Variants in UFL1 observed in about 807,000 individuals in gnomAD.
UFL1 encodes the protein E3 UFM1-protein ligase 1.
A neutral mutation model predicts 99.3 loss-of-function variants in UFL1; 78 were observed. That is an observed-to-expected ratio of 0.79 (90% CI 0.65 to 0.95). UFL1 has a LOEUF of 0.95. Among genes scored for constraint, UFL1 ranks in the 40% least tolerant of loss-of-function variants. The pLI, the probability that UFL1 is intolerant of heterozygous loss-of-function variation, is 0.00. For missense variants in UFL1, 936 were observed against 937.0 expected (o/e 1.00, Z 0.01); for synonymous variants, 335 against 322.2 (o/e 1.04, Z -0.42).
intron 12 of UFL1, among the ~76,000 whole-genome samples, chr6:96,544,113 G>C (rs1039903729): frequency 6.6e-6 from 1 of 150,790 alleles, no homozygotes; most frequent in African/African-American, 2.4e-5. Context: ...ACAAGTATTA[G>C]GATATTTTTG....
intron 6 of UFL1, among the ~76,000 whole-genome samples, chr6:96,532,433 C>T (rs1292877882): frequency 1.3e-5 from 2 of 152,164 alleles, no homozygotes; most frequent in African/African-American, 2.4e-5. Flanking sequence ...CCCACCAAAA[C>T]TTATGTTGCA....
chr6:96,540,833 A>C (rs1385554049), intron 11 of UFL1, among the ~76,000 whole-genome samples, 178 bp downstream of exon 11: 2 of 151,490 alleles, frequency 1.3e-5, no homozygotes, highest in Non-Finnish European at 3.0e-5. Context: ...AAATGGAAAT[A>C]TTGGTGATTA....
Position 96,538,713 on chromosome 6 carries a change from C to T in UFL1, c.1061C>T (p.Ser354Leu). The change falls in exon 10 of 19, where the codon TCA (serine) becomes TTA (leucine). Residue 354 changes from serine to leucine, a missense_variant. Physicochemically the swap from Ser to Leu is moderately radical, Grantham distance 145. Transcript: ENST00000369278. ...QVMRAFSKQA[S>L]TVVFSDTVVV... ...ATGAGGGCATTCAGCAAACAGGCCT[C>T]AACTGTAGTCTTTAGCGACACTGTT... is the stretch of plus-strand genomic sequence containing the variant. 1 of 1,611,650 alleles carries T rather than the reference C, an allele frequency of 6.2e-7. No homozygotes were observed. The highest frequency in any genetic ancestry group is 8.5e-7 in the Non-Finnish European group (1 of 1,178,454).
intron 12 of UFL1, among the ~76,000 whole-genome samples, chr6:96,547,133 A>G (rs1022306064): frequency 2.9e-4 from 44 of 151,428 alleles, no homozygotes; most frequent in African/African-American, 1.1e-3. Flanking sequence ...AGAACTCAAC[A>G]AGAAGAAGCC....
intron 5 of UFL1, among the ~76,000 whole-genome samples, chr6:96,527,134 T>G (rs541380602): frequency 3.4e-4 from 52 of 152,104 alleles, no homozygotes; most frequent in African/African-American, 8.9e-4. Flanking sequence ...TTTTTTCTGT[T>G]TTTTTTTGTT....
At chr6:96,545,219 T>C (rs1398683676) in intron 12 of UFL1, among the ~76,000 whole-genome samples, 4 of 151,058 alleles carry the variant, frequency 2.6e-5, no homozygotes, top group African/African-American at 4.8e-5. Context: ...TTTATTTTTA[T>C]TTGTAAAGTT....
chr6:96,535,987 T>C (rs1471724438), intron 7 of UFL1, among the ~76,000 whole-genome samples: 1 of 152,064 alleles, frequency 6.6e-6, no homozygotes, highest in African/African-American at 2.4e-5. Flanking sequence ...GTGTTAACAT[T>C]AACTAGCTTG....
At chr6:96,545,431 T>C (rs1769985911) in intron 12 of UFL1, among the ~76,000 whole-genome samples, 1 of 150,982 alleles carries the variant, frequency 6.6e-6, no homozygotes, top group Non-Finnish European at 1.5e-5. Context: ...AGACTTATTT[T>C]TGTGAGAGCA....
chr6:96,548,866 G>A (rs1327990969), intron 13 of UFL1, among the ~76,000 whole-genome samples: 1 of 151,570 alleles, frequency 6.6e-6, no homozygotes, highest in Non-Finnish European at 1.5e-5. Flanking sequence ...CAATCCAGGA[G>A]AGCAGTGTAT....
intron 5 of UFL1, among the ~76,000 whole-genome samples, chr6:96,527,510 C>G (rs1769720920): frequency 6.6e-6 from 1 of 152,050 alleles, no homozygotes; most frequent in South Asian, 2.1e-4. Flanking sequence ...ATAATACAAG[C>G]AGATTTACTT....
At chr6:96,523,060 A>G in intron 1 of UFL1, 86 bp from the exon 2 acceptor site, 1 of 1,362,052 alleles carries the variant, frequency 7.3e-7, no homozygotes, top group African/African-American at 1.5e-5. Flanking sequence ...AACTTTTTAA[A>G]AGCCTGTTTT....
At chr6:96,534,425 C>T (rs1769825780) in intron 7 of UFL1, 104 bp downstream of exon 7, 1 of 882,434 alleles carries the variant, frequency 1.1e-6, no homozygotes, top group African/African-American at 1.8e-5. Context: ...GTTAATGTAA[C>T]TAAAATATTT....
chr6:96,551,313 A>C, intron 15 of UFL1, 120 bp from the exon 16 acceptor site: 1 of 604,968 alleles, frequency 1.7e-6, no homozygotes, highest in Non-Finnish European at 2.9e-6. Context: ...TTTGAGATCT[A>C]AAATTCAAGA....
At chr6:96,545,293 CT>C (rs1769984431) in intron 12 of UFL1, among the ~76,000 whole-genome samples, 1 of 150,986 alleles carries the variant, frequency 6.6e-6, no homozygotes, top group African/African-American at 2.4e-5. Context: ...TTTACAATTT[CT>C]AATGGAAATA....
rs1770124786 is a variant in UFL1, at chr6:96,554,321, G to T, written c.*818G>T. On this transcript the variant is annotated 3_prime_UTR_variant, in exon 19 of 19. Transcript: ENST00000369278. ...ATTTTATTTTTTTAGTTCAACAGCT[G>T]CTCTGTCACATAATACTTTGTAAAT... 6.6e-6 allele frequency: 1 copy of T among 152,096 alleles called. No homozygotes were observed. The highest frequency in any genetic ancestry group is 2.4e-5 in the African/African-American group (1 of 41,422). 9.4% of individuals were successfully genotyped at this position (152,096 alleles called of 1,614,324 possible). A position where few individuals can be genotyped will look rare whatever the true frequency, so the allele number is the denominator to read the frequency against.
At position 96,540,612 on chromosome 6, in the gene UFL1, A is replaced by G. The variant is rs1488691883; in HGVS notation, c.1236A>G (p.Thr412=). 1 of 1,606,010 alleles carries G rather than the reference A, an allele frequency of 6.2e-7. No homozygotes were observed. Among genetic ancestry groups the G allele is most frequent in the African/African-American group, 1.3e-5 (1 of 74,402 alleles). The change falls in exon 11 of 19, where the codon ACA becomes ACG. Residue 412 remains threonine, a synonymous_variant. Transcript: ENST00000369278. ...KQISTLESVS[T]SKKDKKDERR... is the part of the protein sequence containing the mutation. ...TCTCCACTTTAGAAAGCGTTAGTACAAGTAAAAAGGATAAAAAAGATGAGC... is the reference window on the plus strand; with the variant it reads ...TCTCCACTTTAGAAAGCGTTAGTACGAGTAAAAAGGATAAAAAAGATGAGC...
At chr6:96,543,807 A>G (rs964006809) in intron 12 of UFL1, among the ~76,000 whole-genome samples, 1 of 151,136 alleles carries the variant, frequency 6.6e-6, no homozygotes, top group African/African-American at 2.4e-5. Flanking sequence ...GTTAATTGAT[A>G]ATAAGAAGAA....
At position 96,549,392 on chromosome 6, in the gene UFL1, T is replaced by C. The variant is rs772712073; in HGVS notation, c.1521-20T>C. Reference sequence around the variant, plus strand: ...ACTCAGTACATTTTAATAAACTAAATATATTTGTCTTATGCACAGACCTCT... The same window carrying C: ...ACTCAGTACATTTTAATAAACTAAACATATTTGTCTTATGCACAGACCTCT... On this transcript the variant is annotated intron_variant, in intron 13 of 18. Coordinates refer to ENST00000369278, the MANE Select transcript of UFL1 (RefSeq NM_015323.5). 1 of 1,562,206 alleles carries C rather than the reference T, an allele frequency of 6.4e-7. No individual in the cohort carries two copies. The highest frequency in any genetic ancestry group is 8.6e-7 in the Non-Finnish European group (1 of 1,160,454).
In UFL1 at chr6:96,549,471, C is replaced by G. The variant is rs749968157; in HGVS notation, c.1580C>G (p.Ser527Cys). Reference protein sequence around the residue: ...VRSVFMSSTTSASGTGRKRTI... With the variant: ...VRSVFMSSTTCASGTGRKRTI... The stretch of plus-strand genomic sequence containing the variant: ...TCAGTATTCATGTCTTCAACAACTT[C>G]TGCTTCTGGGACGGGCAGAAAACGC... Residue 527 changes from serine (S) to cysteine (C), a missense_variant, in exon 14 of 19, where the codon TCT (serine) becomes TGT (cysteine). Transcript: ENST00000369278. 5.0e-6 allele frequency: 8 copies of G among 1,595,874 alleles called. 1 individual carries two copies. The South Asian group carries it at 9.2e-5, about 18-fold the overall frequency.
Sources: allele counts gnomAD v4.1 joint callset (sites outside exome capture counted in the v4.1 genomes callset), GRCh38; gene constraint gnomAD v4.1.1; transcripts MANE v1.5; gene names NCBI Gene and HGNC (gene_info 2026-07-23, HGNC 2026-07-21).